Variants in CASP10 observed in about 807,000 individuals in gnomAD.
The protein encoded by CASP10 is caspase-10.
A neutral mutation model predicts 48.5 loss-of-function variants in CASP10; 41 were observed. The ratio of observed to expected loss-of-function variants is 0.85; its 90% confidence interval spans 0.66 to 1.10. The LOEUF is 1.10. Among genes scored for constraint, CASP10 ranks in the 50% least tolerant of loss-of-function variants. The pLI is 0.00. For missense variants in CASP10, 614 were observed against 614.5 expected (o/e 1.00, Z 0.01); for synonymous variants, 232 against 238.4 (o/e 0.97, Z 0.25).
Position 201,219,313 on chromosome 2 carries a change from T to C in CASP10, c.*1572T>C. On this transcript the variant is annotated 3_prime_UTR_variant, in exon 10 of 10. Transcript: ENST00000286186. ...GGGGTTGGAACATTTCAGTTGCCAT[T>C]GACAGAACACCCAATTCAAATTGAC... is the stretch of plus-strand genomic sequence containing the variant. The C allele has an allele frequency of 2.3e-6, 1 of 443,494 alleles. No individual in the cohort carries two copies. The allele number at this position is 443,494 out of a possible 1,614,324, so 27.5% of individuals were successfully genotyped here.
At chr2:201,229,174 G>A (rs1945829692) in exon 10 of CASP10, 1 of 1,506,968 alleles carries the variant, frequency 6.6e-7, no homozygotes, top group Admixed American at 1.7e-5. Flanking sequence ...TCCCTTTACA[G>A]CACCACCTTG....
At chr2:201,189,032 G>A (rs1046402874) in intron 3 of CASP10, among the ~76,000 whole-genome samples, 1 of 151,478 alleles carries the variant, frequency 6.6e-6, no homozygotes, top group African/African-American at 2.4e-5. Context: ...CACTACGCCT[G>A]GCTAACTTTT....
At chr2:201,200,854 C>A in intron 5 of CASP10, 1 of 562,338 alleles carries the variant, frequency 1.8e-6, no homozygotes, top group Non-Finnish European at 2.3e-6. Context: ...GCCCTTGATT[C>A]AATTAATTCC....
At chr2:201,214,760 G>T (rs1945514828) in intron 9 of CASP10, 1 of 152,054 alleles carries the variant, frequency 6.6e-6, no homozygotes, top group South Asian at 2.1e-4. Context: ...AGCAAATACT[G>T]GTAGAGTAAT....
intron 5 of CASP10, among the ~76,000 whole-genome samples, chr2:201,202,425 A>T (rs949440070): frequency 5.3e-5 from 8 of 152,180 alleles, no homozygotes; most frequent in African/African-American, 1.9e-4. Context: ...GCTTTTTTCT[A>T]GTCCCTGTTC....
rs1945685387 is a variant in CASP10, at chr2:201,220,157, C to A, written c.*2416C>A. 1.0e-6 allele frequency: 1 copy of A among 984,682 alleles called. No homozygotes were observed. Among genetic ancestry groups the A allele is most frequent in the Non-Finnish European group, 1.2e-6 (1 of 829,350 alleles). 61.0% of individuals were successfully genotyped at this position (984,682 alleles called of 1,614,324 possible). ...TAGCTTGACAGAGGGAATGTCTAAT[C>A]TATATTGACAGGGCAGGAACACCGT... On this transcript the variant is annotated 3_prime_UTR_variant, in exon 10 of 10. Coordinates refer to ENST00000286186, the MANE Select transcript of CASP10 (RefSeq NM_032977.4).
intron 5 of CASP10, among the ~76,000 whole-genome samples, chr2:201,197,389 C>T (rs77263661): frequency 1.8e-4 from 28 of 152,242 alleles, no homozygotes; most frequent in African/African-American, 6.0e-4. Context: ...CCAAGGCAGG[C>T]GGCTTACTTG....
chr2:201,185,964 G>T lies in CASP10; in HGVS notation c.187G>T (p.Glu63Ter). 6.2e-7 allele frequency: 1 copy of T among 1,613,944 alleles called. No homozygotes were observed. The highest frequency in any genetic ancestry group is 1.1e-5 in the South Asian group (1 of 91,068). ...GTCCAGCTCAGCCTCAGATGTTTTT[G>T]AACATCTCTTGGCAGAGGATCTGCT... Reference protein sequence around the residue: ...EKSSSASDVFEHLLAEDLLSE... With the variant: ...EKSSSASDVF The change falls in exon 2 of 10, where the codon GAA (glutamate) becomes TAA (stop). Residue 63 changes from glutamate (E) to a stop codon, truncating the protein, a stop_gained. Coordinates refer to ENST00000286186, the MANE Select transcript of CASP10 (RefSeq NM_032977.4). LOFTEE classifies it high-confidence loss of function.
Position 201,200,669 on chromosome 2 carries a change from C to T in CASP10, c.685-3061C>T, listed in dbSNP as rs1445511914. ...AGGGAATCTCAGCTTTGGGAGGCCACTTTGTAAGTGATCTTAAGAGATTAA... is the reference window on the plus strand; with the variant it reads ...AGGGAATCTCAGCTTTGGGAGGCCATTTTGTAAGTGATCTTAAGAGATTAA... On this transcript the variant is annotated intron_variant, in intron 5 of 9. Transcript: ENST00000286186. 4.3e-6 allele frequency: 6 copies of T among 1,403,370 alleles called. No individual in the cohort carries two copies. The African/African-American group carries it at 8.7e-5, about 20-fold the overall frequency. The allele number at this position is 1,403,370 out of a possible 1,614,324, so 86.9% of individuals were successfully genotyped here.
At position 201,203,725 on chromosome 2, in the gene CASP10, C is replaced by T. The variant is rs1215224851; in HGVS notation, c.685-5C>T. ...TGTTTCATGCCCTCCTTTCTTTTTT[C>T]TCAGCAGGAGTCCTGGCAAAATAAG... On this transcript the variant is annotated splice_polypyrimidine_tract_variant and splice_region_variant and intron_variant, in intron 5 of 9. Transcript: ENST00000286186. 6.2e-7 allele frequency: 1 copy of T among 1,613,264 alleles called. No homozygotes were observed. Among genetic ancestry groups the T allele is most frequent in the East Asian group, 2.2e-5 (1 of 44,874 alleles).
At chr2:201,183,332 A>T (rs953222131) in intron 1 of CASP10, 24 bp downstream of exon 1, 1 of 152,140 alleles carries the variant, frequency 6.6e-6, no homozygotes, top group Non-Finnish European at 1.5e-5. Context: ...AACCCTTCTT[A>T]CTCCAGAGTC....
At chr2:201,222,016 A>G (rs895025664), downstream of CASP10, among the ~76,000 whole-genome samples, 8 of 152,242 alleles carry the variant, frequency 5.3e-5, no homozygotes, top group South Asian at 2.1e-4. Context: ...TTGTGTGTGC[A>G]TGTCTGCGTG....
At chr2:201,221,687 C>T (rs1340501238), downstream of CASP10, 1 of 152,224 alleles carries the variant, frequency 6.6e-6, no homozygotes, top group African/African-American at 2.4e-5. Flanking sequence ...TGTCTCTTCA[C>T]AAGGACGCGA....
At chr2:201,211,369 A>G (rs992381164) in intron 9 of CASP10, among the ~76,000 whole-genome samples, 1 of 152,178 alleles carries the variant, frequency 6.6e-6, no homozygotes, top group African/African-American at 2.4e-5. Context: ...GTACCCATTG[A>G]CTAACCTCTC....
rs768830139 is a variant in CASP10, at chr2:201,217,791, C to A, written c.*50C>A. The A allele has an allele frequency of 6.2e-7, 1 of 1,613,142 alleles. No homozygotes were observed. The highest frequency in any genetic ancestry group is 8.5e-7 in the Non-Finnish European group (1 of 1,179,456). ...ACCTCAAACGAATCATTGGCTATAA[C>A]CTCCAGCCTCCTGCCCAGCACAGGA... On this transcript the variant is annotated 3_prime_UTR_variant, in exon 10 of 10. Coordinates refer to ENST00000286186, the MANE Select transcript of CASP10 (RefSeq NM_032977.4).
intron 5 of CASP10, among the ~76,000 whole-genome samples, chr2:201,198,263 G>A (rs891357721): frequency 3.5e-5 from 5 of 143,738 alleles, no homozygotes; most frequent in East Asian, 4.1e-4. Context: ...TCACTCTGTC[G>A]CCCAGGCTGG....
intron 4 of CASP10, among the ~76,000 whole-genome samples, chr2:201,195,386 A>G (rs1338822540): frequency 3.3e-5 from 5 of 152,156 alleles, no homozygotes; most frequent in Non-Finnish European, 7.3e-5. Context: ...ACTGAGCTTT[A>G]TATCAGCAGA....
chr2:201,208,113 C>T lies in CASP10; in HGVS notation c.852C>T (p.Gly284=). Residue 284 remains glycine, a synonymous_variant, in exon 8 of 10, where the codon GGC becomes GGT. Coordinates refer to ENST00000286186, the MANE Select transcript of CASP10 (RefSeq NM_032977.4). ...AVYRMNRNHR[G]LCVIVNNHSF... Reference sequence around the variant, plus strand: ...ACAGGATGAATCGGAACCACAGAGGCCTCTGTGTCATTGTCAACAACCACA... The same window carrying T: ...ACAGGATGAATCGGAACCACAGAGGTCTCTGTGTCATTGTCAACAACCACA... 1 of 1,613,936 alleles carries T rather than the reference C, an allele frequency of 6.2e-7. No individual in the cohort carries two copies. The highest frequency in any genetic ancestry group is 8.5e-7 in the Non-Finnish European group (1 of 1,179,872).
chr2:201,193,019 A>G lies in CASP10; in HGVS notation c.477A>G (p.Gln159=). ...GTTTCCTGGCATTTCTAGAGAAACA[A>G]GGTAAAATAGATGAAGATAATCTGA... ...SLSFLAFLEK[Q]GKIDEDNLTC... is the part of the protein sequence containing the mutation. The change falls in exon 4 of 10, where the codon CAA becomes CAG. Residue 159 remains glutamine (Q), a synonymous_variant. Transcript: ENST00000286186. 1 of 1,613,796 alleles carries G rather than the reference A, an allele frequency of 6.2e-7. No homozygotes were observed. Among genetic ancestry groups the G allele is most frequent in the Non-Finnish European group, 8.5e-7 (1 of 1,179,754 alleles).
Sources: allele counts gnomAD v4.1 joint callset (sites outside exome capture counted in the v4.1 genomes callset), GRCh38; gene constraint gnomAD v4.1.1; transcripts MANE v1.5; gene names NCBI Gene and HGNC (gene_info 2026-07-23, HGNC 2026-07-21).